The following SORCS2 variants were observed in gnomAD, a reference collection of about 807,000 sequenced individuals.
SORCS2 encodes the protein sortilin related VPS10 domain containing receptor 2.
A neutral mutation model predicts 141.6 loss-of-function variants in SORCS2; 100 were observed. The ratio of observed to expected loss-of-function variants is 0.71; its 90% CI spans 0.60 to 0.83. SORCS2 has a LOEUF of 0.83. Among genes scored for constraint, SORCS2 ranks in the 40% least tolerant of loss-of-function variants. The pLI is 0.00. For missense variants in SORCS2, 1,646 were observed against 1,560.2 expected (o/e 1.05, Z -0.93); for synonymous variants, 789 against 676.9 (o/e 1.17, Z -2.57).
At chr4:7,363,417 G>GCCATTACCATCACCATCACCATAACCA (rs1721718114) in intron 1 of SORCS2, among the ~76,000 whole-genome samples, 1 of 144,648 alleles carries the variant, frequency 6.9e-6, no homozygotes, top group African/African-American at 2.8e-5. Flanking sequence ...CACCATAACT[G>GCCATTACCATCACCATCACCATAACCA]TGCATCACCA....
intron 24 of SORCS2, 137 bp from the exon 25 acceptor site, chr4:7,734,135 C>A: frequency 1.7e-6 from 1 of 595,584 alleles, no homozygotes. Context: ...GGAAATGGGC[C>A]AGGGACAGGC....
At chr4:7,579,877 G>C (rs1222388248) in intron 3 of SORCS2, among the ~76,000 whole-genome samples, 2 of 152,144 alleles carry the variant, frequency 1.3e-5, no homozygotes, top group Admixed American at 6.5e-5. Flanking sequence ...ATCCAGGAAG[G>C]CTTCCTGGAA....
At chr4:7,236,955 G>C (rs945289873) in intron 1 of SORCS2, among the ~76,000 whole-genome samples, 2 of 152,210 alleles carry the variant, frequency 1.3e-5, no homozygotes, top group African/African-American at 4.8e-5. Flanking sequence ...CCTGGCCTTG[G>C]GGGAGTCCCA....
intron 1 of SORCS2, among the ~76,000 whole-genome samples, chr4:7,350,811 C>G (rs1328140076): frequency 6.6e-6 from 1 of 152,202 alleles, no homozygotes; most frequent in Non-Finnish European, 1.5e-5. Flanking sequence ...CCAGCTCCAG[C>G]CTCCTTGGAG....
intron 3 of SORCS2, among the ~76,000 whole-genome samples, chr4:7,579,517 A>T (rs762809512): frequency 5.3e-5 from 8 of 151,596 alleles, no homozygotes; most frequent in South Asian, 2.1e-4. Flanking sequence ...CAGGACTGGA[A>T]CCCTCCCCTT....
At chr4:7,569,877 G>T (rs1448026929) in intron 3 of SORCS2, among the ~76,000 whole-genome samples, 2 of 152,338 alleles carry the variant, frequency 1.3e-5, no homozygotes, top group African/African-American at 4.8e-5. Flanking sequence ...GAGCCACTGG[G>T]TGGATGTGGC....
intron 3 of SORCS2, among the ~76,000 whole-genome samples, chr4:7,538,610 C>CACACACACACACA (rs1491451455): frequency 7.0e-6 from 1 of 142,752 alleles, no homozygotes; most frequent in Admixed American, 7.1e-5. Flanking sequence ...CACACACACA[C>CACACACACACACA]ATTTTCACCA....
chr4:7,721,140 C>G (rs1304177733), intron 18 of SORCS2, among the ~76,000 whole-genome samples: 3 of 152,218 alleles, frequency 2.0e-5, no homozygotes, highest in Non-Finnish European at 4.4e-5. Context: ...GCTGAGATAC[C>G]ATGCTGCAGT....
intron 1 of SORCS2, among the ~76,000 whole-genome samples, chr4:7,243,851 G>A (rs1712883656): frequency 6.6e-6 from 1 of 152,198 alleles, no homozygotes; most frequent in Non-Finnish European, 1.5e-5. Context: ...AGGGCACCAG[G>A]CCAAACCCTT....
intron 14 of SORCS2, among the ~76,000 whole-genome samples, chr4:7,710,070 G>T (rs538115090): frequency 6.6e-5 from 10 of 152,328 alleles, no homozygotes; most frequent in African/African-American, 2.4e-4. Context: ...GGGCTTCAGG[G>T]ACATGCAGGG....
chr4:7,383,957 C>T (rs2109075845), intron 1 of SORCS2, among the ~76,000 whole-genome samples: 1 of 152,320 alleles, frequency 6.6e-6, no homozygotes, highest in Non-Finnish European at 1.5e-5. Context: ...ATGCAATTTT[C>T]CACAGATCAG....
At chr4:7,383,690 A>T (rs189790165) in intron 1 of SORCS2, among the ~76,000 whole-genome samples, 1 of 152,228 alleles carries the variant, frequency 6.6e-6, no homozygotes, top group Non-Finnish European at 1.5e-5. Context: ...AGCAATGCCA[A>T]CCCTTCCAGG....
At chr4:7,658,582 G>A (rs1479311962) in intron 5 of SORCS2, among the ~76,000 whole-genome samples, 1 of 152,190 alleles carries the variant, frequency 6.6e-6, no homozygotes, top group South Asian at 2.1e-4. Context: ...CTTTAACTAG[G>A]GTCAAAATGA....
chr4:7,345,623 T>A (rs1720610724), intron 1 of SORCS2, among the ~76,000 whole-genome samples: 1 of 152,206 alleles, frequency 6.6e-6, no homozygotes, highest in African/African-American at 2.4e-5. Flanking sequence ...AAACCTCCGT[T>A]TCCCATCTGT....
At chr4:7,229,815 A>G (rs1022971720) in intron 1 of SORCS2, among the ~76,000 whole-genome samples, 2 of 150,020 alleles carry the variant, frequency 1.3e-5, no homozygotes, top group Non-Finnish European at 3.0e-5. Flanking sequence ...GGGCAGGAGC[A>G]GTGTCATGCT....
intron 5 of SORCS2, among the ~76,000 whole-genome samples, chr4:7,654,609 G>GCCC (rs1276478370): frequency 6.6e-6 from 1 of 152,120 alleles, no homozygotes; most frequent in Non-Finnish European, 1.5e-5. Flanking sequence ...CGCACTCCCT[G>GCCC]CCCGACCCCA....
At chr4:7,603,977 A>T (rs1187634992) in intron 3 of SORCS2, among the ~76,000 whole-genome samples, 1 of 152,070 alleles carries the variant, frequency 6.6e-6, no homozygotes, top group African/African-American at 2.4e-5. Context: ...TAAAATTCAT[A>T]TGTGTGACTA....
rs1461162236 is a variant in SORCS2, at chr4:7,538,808, G to GT, written c.648+7180dup. On this transcript the variant is annotated intron_variant, in intron 3 of 26. Transcript: ENST00000507866. ...CGTGTCTTCGTAGGGGAACTGCCAC[G>GT]TGTTAGTAAGCACTCAGGACTGAGC... Among the ~76,000 whole-genome samples, 7 of 152,328 alleles carry GT rather than the reference G, an allele frequency of 4.6e-5. No individual in the cohort carries two copies. The East Asian group carries it at 9.6e-4, about 21-fold the overall frequency.
intron 3 of SORCS2, among the ~76,000 whole-genome samples, chr4:7,584,745 G>A (rs6830119): frequency 0.013 from 1,999 of 152,260 alleles, 46 homozygotes; most frequent in African/African-American, 0.046. Context: ...AGTTTTGCAG[G>A]CACAGTTCCA....
Sources: gnomAD v4.1 joint callset for allele counts (sites outside exome capture counted in the v4.1 genomes callset) on GRCh38, gnomAD v4.1.1 for gene constraint, MANE v1.5 for transcripts, NCBI Gene and HGNC (gene_info 2026-07-23, HGNC 2026-07-21) for gene names.